Variants in SMOC2 observed in about 807,000 individuals in gnomAD.
SMOC2 encodes SPARC-related modular calcium-binding protein 2.
A neutral mutation model predicts 61.4 loss-of-function variants in SMOC2; 39 were observed. The ratio of observed to expected loss-of-function variants is 0.64; its 90% CI spans 0.49 to 0.83. The LOEUF (loss-of-function observed/expected upper bound fraction) is 0.83. Among genes scored for constraint, SMOC2 ranks in the 40% least tolerant of loss-of-function variants. The probability of loss-of-function intolerance (pLI) is 0.00; values close to 1 mark genes in which losing one functional copy is unlikely to be tolerated. For missense variants in SMOC2, 556 were observed against 592.9 expected (o/e 0.94, Z 0.65); for synonymous variants, 247 against 239.9 (o/e 1.03, Z -0.27).
chr6:168,639,580 CT>C (rs1288596367), intron 9 of SMOC2, among the ~76,000 whole-genome samples: 1 of 152,084 alleles, frequency 6.6e-6, no homozygotes, highest in Non-Finnish European at 1.5e-5. Context: ...TTCTATTGTA[CT>C]TTTGAATATT....
intron 7 of SMOC2, among the ~76,000 whole-genome samples, chr6:168,551,140 C>T (rs1258247242): frequency 2.6e-5 from 4 of 152,288 alleles, no homozygotes; most frequent in East Asian, 1.9e-4. Flanking sequence ...CTAACCCCTT[C>T]GCTGGGCACT....
At chr6:168,579,011 G>A (rs182892324) in intron 7 of SMOC2, among the ~76,000 whole-genome samples, 3 of 152,280 alleles carry the variant, frequency 2.0e-5, no homozygotes, top group East Asian at 3.9e-4. Context: ...GCCCACCACC[G>A]ACAGGTTTCA....
chr6:168,597,107 A>G (rs1234982533), intron 7 of SMOC2, among the ~76,000 whole-genome samples: 2 of 152,266 alleles, frequency 1.3e-5, no homozygotes, highest in Admixed American at 6.5e-5. Flanking sequence ...TGAGGTTGCC[A>G]GGGGAGAATG....
Position 168,652,958 on chromosome 6 carries a change from T to G in SMOC2, c.1015T>G (p.Ser339Ala). 1 of 1,613,116 alleles carries G rather than the reference T, an allele frequency of 6.2e-7. No individual in the cohort carries two copies. The highest frequency in any genetic ancestry group is 8.5e-7 in the Non-Finnish European group (1 of 1,179,706). The change falls in exon 11 of 13, where the codon TCA (serine) becomes GCA (alanine). Residue 339 changes from serine (S) to alanine (A), a missense_variant. Coordinates refer to ENST00000356284, the MANE Select transcript of SMOC2 (RefSeq NM_001166412.2). ...SDPSSSSGRL[S>A]EPDPSHTLEE... ...CGGCATCTGTGTTCCTTCCAGGCTC[T>G]CAGAACCCGACCCCAGCCATACCCT...
chr6:168,534,786 A>G (rs1346479593), intron 4 of SMOC2, among the ~76,000 whole-genome samples: 1 of 152,170 alleles, frequency 6.6e-6, no homozygotes, highest in Admixed American at 6.5e-5. Flanking sequence ...TGAGTTGAGA[A>G]CAGTATCCTG....
At chr6:168,609,359 T>A (rs983570354) in intron 9 of SMOC2, among the ~76,000 whole-genome samples, 12 of 152,332 alleles carry the variant, frequency 7.9e-5, no homozygotes, top group Admixed American at 2.6e-4. Context: ...TAGTAATTTT[T>A]TTTTAATGAG....
At chr6:168,501,788 T>A (rs1782735953) in intron 1 of SMOC2, among the ~76,000 whole-genome samples, 1 of 152,242 alleles carries the variant, frequency 6.6e-6, no homozygotes. Context: ...CTTGCTTGGT[T>A]GTGTGTGCAT....
chr6:168,607,422 G>C (rs1488142434), intron 8 of SMOC2, among the ~76,000 whole-genome samples: 1 of 152,126 alleles, frequency 6.6e-6, no homozygotes, highest in African/African-American at 2.4e-5. Context: ...TTAGGGACAG[G>C]CACCCTGGTT....
At position 168,453,526 on chromosome 6, in the gene SMOC2, C is replaced by T. The variant is rs1374738175; in HGVS notation, c.84+12072C>T. Among the ~76,000 whole-genome samples, 1 of 151,886 alleles carries T rather than the reference C, an allele frequency of 6.6e-6. No individual in the cohort carries two copies. The highest frequency in any genetic ancestry group is 1.5e-5 in the Non-Finnish European group (1 of 67,998). On this transcript the variant is annotated intron_variant, in intron 1 of 12. Transcript: ENST00000356284. The surrounding 1 kb of genome is among the most constrained non-coding windows in gnomAD (Gnocchi z 4.4). Reference sequence around the variant, plus strand: ...CTCTTTTTTGTCTCTCTGTCTCTCTCTGTCTCTTTGTCTCTCTCTGTACCT... The same window carrying T: ...CTCTTTTTTGTCTCTCTGTCTCTCTTTGTCTCTTTGTCTCTCTCTGTACCT...
chr6:168,628,110 G>GGAT (rs1786461906), intron 9 of SMOC2, among the ~76,000 whole-genome samples: 1 of 152,222 alleles, frequency 6.6e-6, no homozygotes, highest in African/African-American at 2.4e-5. Context: ...CCCTGGGCGC[G>GGAT]CCTGTGGCCC....
At chr6:168,459,854 C>T (rs891817436) in intron 1 of SMOC2, among the ~76,000 whole-genome samples, 15 of 113,906 alleles carry the variant, frequency 1.3e-4, no homozygotes, top group African/African-American at 5.0e-4. Context: ...GAGCCCTGGG[C>T]TGGGTGAGCC....
chr6:168,640,247 G>T (rs1473746355), intron 9 of SMOC2, among the ~76,000 whole-genome samples: 1 of 74,472 alleles, frequency 1.3e-5, no homozygotes, highest in Non-Finnish European at 2.4e-5. Flanking sequence ...GTCGCTGTGT[G>T]GTTGCCAACT....
At chr6:168,607,221 C>T (rs1435609211) in intron 8 of SMOC2, among the ~76,000 whole-genome samples, 2 of 152,118 alleles carry the variant, frequency 1.3e-5, no homozygotes, top group African/African-American at 4.8e-5. Context: ...CTCATGGTGG[C>T]CCGCACTCTG....
At chr6:168,626,954 G>A (rs1371304187) in intron 9 of SMOC2, among the ~76,000 whole-genome samples, 1 of 152,172 alleles carries the variant, frequency 6.6e-6, no homozygotes, top group African/African-American at 2.4e-5. Flanking sequence ...TCTTCTACCT[G>A]CTGTGTTTGA....
At chr6:168,577,298 G>A (rs114699786) in intron 7 of SMOC2, among the ~76,000 whole-genome samples, 65 of 151,368 alleles carry the variant, frequency 4.3e-4, no homozygotes, top group African/African-American at 1.6e-3. Context: ...GTCTAAACGC[G>A]CTCTCTCTCG....
At chr6:168,500,060 A>G (rs1173143455) in intron 1 of SMOC2, among the ~76,000 whole-genome samples, 1 of 152,142 alleles carries the variant, frequency 6.6e-6, no homozygotes, top group Non-Finnish European at 1.5e-5. Flanking sequence ...TAATCCCAGC[A>G]CTTTGGGATG....
intron 9 of SMOC2, among the ~76,000 whole-genome samples, chr6:168,649,514 G>A (rs878166): frequency 0.85 from 129,200 of 152,150 alleles, 55,128 homozygotes; most frequent in African/African-American, 0.88. Flanking sequence ...TTTTCCCCTC[G>A]GTATCTTTCT....
intron 4 of SMOC2, among the ~76,000 whole-genome samples, chr6:168,542,861 A>C (rs954520860): frequency 3.3e-5 from 5 of 152,230 alleles, no homozygotes; most frequent in Non-Finnish European, 7.3e-5. Flanking sequence ...TGAAAAAAAA[A>C]GAAAACAAAA....
At chr6:168,650,844 G>A in intron 10 of SMOC2, 61 bp downstream of exon 10, 1 of 1,477,726 alleles carries the variant, frequency 6.8e-7, no homozygotes. Context: ...GGGGAATCTG[G>A]AAAGTCTGAA....
Sources: gnomAD v4.1 joint callset for allele counts (sites outside exome capture counted in the v4.1 genomes callset) on GRCh38, gnomAD v4.1.1 for gene constraint, Gnocchi (gnomAD v3.1) non-coding constraint, MANE v1.5 for transcripts, NCBI Gene and HGNC (gene_info 2026-07-23, HGNC 2026-07-21) for gene names.